Variants in MLLT10 observed in about 807,000 individuals in gnomAD.
The protein encoded by MLLT10 is protein AF-10.
Under a neutral mutation model 129.1 loss-of-function variants are expected in MLLT10, and 30 were observed. The ratio of observed to expected loss-of-function variants is 0.23; its 90% CI spans 0.17 to 0.32. The LOEUF is 0.32. Among genes scored for constraint, MLLT10 ranks in the 10% least tolerant of loss-of-function variants. The probability of loss-of-function intolerance (pLI) is 1.00; values close to 1 mark genes in which losing one functional copy is unlikely to be tolerated. For missense variants in MLLT10, 1,119 were observed against 1,268.3 expected (o/e 0.88, Z 1.79); for synonymous variants, 490 against 446.4 (o/e 1.10, Z -1.23).
chr10:21,697,366 C>T (rs569033759), intron 13 of MLLT10, among the ~76,000 whole-genome samples: 5 of 151,856 alleles, frequency 3.3e-5, no homozygotes, highest in African/African-American at 4.8e-5. Flanking sequence ...CTCAGGAGGC[C>T]GAGGCAGGAG....
intron 3 of MLLT10, among the ~76,000 whole-genome samples, chr10:21,555,004 A>G (rs934282477): frequency 6.6e-6 from 1 of 151,292 alleles, no homozygotes; most frequent in Admixed American, 6.6e-5. Context: ...TATTTTAGGT[A>G]GAGACGGGGT....
At chr10:21,683,590 C>T (rs1469654578) in intron 13 of MLLT10, among the ~76,000 whole-genome samples, 2 of 152,158 alleles carry the variant, frequency 1.3e-5, no homozygotes, top group Non-Finnish European at 2.9e-5. Flanking sequence ...ATTGCAAGTA[C>T]AAGTGTAAGA....
At chr10:21,538,227 C>T (rs1438519301) in intron 2 of MLLT10, among the ~76,000 whole-genome samples, 2 of 149,860 alleles carry the variant, frequency 1.3e-5, no homozygotes, top group Admixed American at 6.7e-5. Context: ...TGCAATGGTG[C>T]GATCTTACCT....
At chr10:21,658,061 A>G (rs550915367) in intron 9 of MLLT10, among the ~76,000 whole-genome samples, 47 of 152,170 alleles carry the variant, frequency 3.1e-4, no homozygotes, top group Non-Finnish European at 2.9e-4. Flanking sequence ...TTTAAAAAGT[A>G]AATTTAATTT....
intron 3 of MLLT10, among the ~76,000 whole-genome samples, chr10:21,570,240 G>C (rs549893437): frequency 6.7e-6 from 1 of 149,394 alleles, no homozygotes; most frequent in Non-Finnish European, 1.5e-5. Flanking sequence ...GTGTGTGCGC[G>C]CGTGTGTGTG....
intron 3 of MLLT10, among the ~76,000 whole-genome samples, chr10:21,582,328 C>T (rs2041558211): frequency 6.6e-6 from 1 of 151,988 alleles, no homozygotes; most frequent in Non-Finnish European, 1.5e-5. Context: ...CCATGTTGGC[C>T]AGGCTGGTCT....
intron 4 of MLLT10, among the ~76,000 whole-genome samples, chr10:21,587,873 A>G (rs1005538029): frequency 1.3e-5 from 2 of 152,312 alleles, no homozygotes; most frequent in Middle Eastern, 3.4e-3. Context: ...CAGTTTATCA[A>G]TAGTTTTCCT....
Position 21,670,473 on chromosome 10 carries a change from T to C in MLLT10, c.820T>C (p.Ser274Pro). 2 of 1,613,926 alleles carry C rather than the reference T, an allele frequency of 1.2e-6. No individual in the cohort carries two copies. The highest frequency in any genetic ancestry group is 1.7e-4 in the Middle Eastern group (1 of 6,058). Residue 274 changes from serine to proline, a missense_variant, in exon 10 of 23, where the codon TCT becomes CCT. This residue lies in a region of MLLT10 where 1,004 missense variants were observed against 1,008.7 expected (regional missense o/e 1.00). Transcript: ENST00000307729. ...EKTYTSTSNN[S>P]ISGSLKRLED... ...GACTTATACAAGCACTAGCAACAACTCTATATCTGGATCATTGAAGCGCTT... is the reference window on the plus strand; with the variant it reads ...GACTTATACAAGCACTAGCAACAACCCTATATCTGGATCATTGAAGCGCTT...
Position 21,734,030 on chromosome 10 carries a change from T to C in MLLT10, c.2759T>C (p.Met920Thr). ...NGIVGALNGV[M>T]QTPVTMSQNP... is the part of the protein sequence containing the mutation. ...ATTGTAGGAGCTTTAAATGGGGTTA[T>C]GCAGACTCCTGTCACAATGTCCCAG... The change falls in exon 20 of 23, where the codon ATG becomes ACG. Residue 920 changes from methionine to threonine, a missense_variant. Coordinates refer to ENST00000307729, the MANE Select transcript of MLLT10 (RefSeq NM_001195626.3). 6.2e-7 allele frequency: 1 copy of C among 1,614,200 alleles called. No homozygotes were observed. Among genetic ancestry groups the C allele is most frequent in the Non-Finnish European group, 8.5e-7 (1 of 1,180,036 alleles).
At chr10:21,651,326 T>C (rs1390590930) in intron 8 of MLLT10, among the ~76,000 whole-genome samples, 6 of 152,152 alleles carry the variant, frequency 3.9e-5, no homozygotes, top group Non-Finnish European at 5.9e-5. Flanking sequence ...CGCTTCAGCT[T>C]CCCAAAGTGC....
At chr10:21,589,053 A>AG (rs1054481182) in intron 4 of MLLT10, among the ~76,000 whole-genome samples, 2 of 152,050 alleles carry the variant, frequency 1.3e-5, no homozygotes, top group African/African-American at 4.8e-5. Flanking sequence ...ATGGGACTAC[A>AG]GGTGTGAGCC....
chr10:21,702,322 T>C (rs935014164), intron 13 of MLLT10, among the ~76,000 whole-genome samples: 1 of 152,220 alleles, frequency 6.6e-6, no homozygotes. Flanking sequence ...ATTCTTGATA[T>C]GATTTTGATT....
intron 8 of MLLT10, among the ~76,000 whole-genome samples, chr10:21,629,777 AG>A (rs1266092810): frequency 6.6e-6 from 1 of 152,186 alleles, no homozygotes; most frequent in Non-Finnish European, 1.5e-5. Context: ...AGTGGGTGTG[AG>A]GAAGTACAGG....
intron 22 of MLLT10, among the ~76,000 whole-genome samples, chr10:21,741,561 A>AAGCCCAAGGACAAAT (rs1833636003): frequency 6.6e-6 from 1 of 152,204 alleles, no homozygotes; most frequent in South Asian, 2.1e-4. Context: ...AACGCAAAGA[A>AAGCCCAAGGACAAAT]AGCCCAAGGA....
At position 21,626,078 on chromosome 10, in the gene MLLT10, G is replaced by T; in HGVS notation, c.699+8871G>T. ...CAAGGCCTTGATCTTCACTTCATCA[G>T]GTCCCTTTGTGGACTCTTGCACCTA... is the stretch of plus-strand genomic sequence containing the variant. On this transcript the variant is annotated intron_variant, in intron 8 of 22. Transcript: ENST00000307729. The T allele has an allele frequency of 1.9e-6, 3 of 1,574,210 alleles. No homozygotes were observed. The East Asian group carries it at 6.7e-5, about 35-fold the overall frequency.
At chr10:21,687,192 G>C (rs905964105) in intron 13 of MLLT10, among the ~76,000 whole-genome samples, 2 of 152,174 alleles carry the variant, frequency 1.3e-5, no homozygotes, top group African/African-American at 4.8e-5. Flanking sequence ...GGTGCTGTAG[G>C]ATGAGTATAC....
chr10:21,570,452 T>G (rs1451592558), intron 3 of MLLT10, among the ~76,000 whole-genome samples: 2 of 152,202 alleles, frequency 1.3e-5, no homozygotes, highest in Non-Finnish European at 2.9e-5. Context: ...CCATCAAATA[T>G]GTGAAAGTTG....
chr10:21,681,885 TC>T (rs1364306502), intron 12 of MLLT10, among the ~76,000 whole-genome samples: 1 of 152,176 alleles, frequency 6.6e-6, no homozygotes, highest in African/African-American at 2.4e-5. Flanking sequence ...TAGATTTGCA[TC>T]CTACAGTGAC....
At chr10:21,548,798 A>G (rs996037526) in intron 3 of MLLT10, among the ~76,000 whole-genome samples, 7 of 151,714 alleles carry the variant, frequency 4.6e-5, no homozygotes, top group African/African-American at 9.7e-5. Flanking sequence ...TTATTTTTCA[A>G]TTTGTCTCTT....
Sources: allele counts gnomAD v4.1 joint callset (sites outside exome capture counted in the v4.1 genomes callset), GRCh38; gene constraint gnomAD v4.1.1; regional missense constraint gnomAD v4.1.1; transcripts MANE v1.5; gene names NCBI Gene and HGNC (gene_info 2026-07-23, HGNC 2026-07-21).